The following LDHC variants were observed in gnomAD, a reference collection of about 807,000 sequenced individuals.
LDHC encodes L-lactate dehydrogenase C chain.
In LDHC, 20 loss-of-function variants were observed where a neutral mutation model predicts 30.2. The observed-to-expected ratio is 0.66, with a 90% confidence interval of 0.47 to 0.96. The LOEUF is 0.96. Ranked by LOEUF, LDHC falls within the 40% of genes least tolerant of loss-of-function variation. LDHC has a pLI of 0.00. For missense variants in LDHC, 362 were observed against 394.9 expected, an observed-to-expected ratio of 0.92 and a Z score of 0.71; for synonymous variants, 139 against 132.7, an observed-to-expected ratio of 1.05 and a Z score of -0.32.
intron 6 of LDHC, among the ~76,000 whole-genome samples, chr11:18,439,901 A>G (rs1848433839): frequency 6.6e-6 from 1 of 151,452 alleles, no homozygotes; most frequent in Admixed American, 6.6e-5. Flanking sequence ...CTGAGGCACA[A>G]GAATTGCTTG....
At chr11:18,424,759 G>A (rs1848131033) in intron 3 of LDHC, among the ~76,000 whole-genome samples, 1 of 152,184 alleles carries the variant, frequency 6.6e-6, no homozygotes. Context: ...TGTAATCCTA[G>A]CACTTTGGGA....
At chr11:18,433,749 T>A (rs1848309401) in intron 4 of LDHC, among the ~76,000 whole-genome samples, 1 of 152,206 alleles carries the variant, frequency 6.6e-6, no homozygotes, top group South Asian at 2.1e-4. Flanking sequence ...TTGTCTTAAC[T>A]TTGGGTAACC....
At chr11:18,436,873 A>G (rs1565054195) in intron 5 of LDHC, among the ~76,000 whole-genome samples, 1 of 151,982 alleles carries the variant, frequency 6.6e-6, no homozygotes, top group African/African-American at 2.4e-5. Flanking sequence ...CATACATGTA[A>G]TTATTAATTC....
intron 3 of LDHC, among the ~76,000 whole-genome samples, chr11:18,425,053 TA>T (rs1347430611): frequency 6.6e-6 from 1 of 152,074 alleles, no homozygotes; most frequent in Non-Finnish European, 1.5e-5. Flanking sequence ...TAAACATGCA[TA>T]GGTAGTAAAG....
chr11:18,447,473 G>A (rs1014987553), intron 7 of LDHC, among the ~76,000 whole-genome samples: 1 of 152,126 alleles, frequency 6.6e-6, no homozygotes, highest in Non-Finnish European at 1.5e-5. Flanking sequence ...AGTGAAAGGA[G>A]TAGGATAACG....
rs1264655839 is a variant in LDHC, at chr11:18,438,774, A to G, written c.710+129A>G. On this transcript the variant is annotated intron_variant, in intron 6 of 7. Coordinates refer to ENST00000541669, the MANE Select transcript of LDHC (RefSeq NM_017448.5). Reference sequence around the variant, plus strand: ...TAACTCTAGGCTCCTGAAAACCACTAAATTCAGACTTATACATAGCTTTCT... The same window carrying G: ...TAACTCTAGGCTCCTGAAAACCACTGAATTCAGACTTATACATAGCTTTCT... 7.7e-6 allele frequency: 4 copies of G among 517,614 alleles called. No homozygotes were observed. The East Asian group carries it at 1.2e-4, about 16-fold the overall frequency. 32.1% of individuals were successfully genotyped at this position (517,614 alleles called of 1,614,324 possible).
At chr11:18,434,468 C>T (rs1381838008) in intron 4 of LDHC, among the ~76,000 whole-genome samples, 3 of 152,094 alleles carry the variant, frequency 2.0e-5, no homozygotes, top group Non-Finnish European at 4.4e-5. Flanking sequence ...TGTGCCACCA[C>T]ATCTGGCTAA....
intron 4 of LDHC, among the ~76,000 whole-genome samples, chr11:18,430,580 C>T (rs1041843997): frequency 2.0e-5 from 3 of 152,054 alleles, no homozygotes; most frequent in African/African-American, 4.8e-5. Context: ...CAGTCTGGTC[C>T]GGAACTCCTA....
chr11:18,435,069 T>C (rs1848333617), intron 5 of LDHC, among the ~76,000 whole-genome samples, 156 bp downstream of exon 5: 1 of 152,234 alleles, frequency 6.6e-6, no homozygotes, highest in Non-Finnish European at 1.5e-5. Flanking sequence ...TTAGTTTCAA[T>C]CTTTTGCATC....
chr11:18,415,554 C>T (rs1867001766), intron 3 of LDHC, among the ~76,000 whole-genome samples: 1 of 152,122 alleles, frequency 6.6e-6, no homozygotes, highest in Non-Finnish European at 1.5e-5. Context: ...GCCTCGGTCT[C>T]CTGTGTAGCT....
At chr11:18,443,655 T>G (rs1848504361) in intron 6 of LDHC, among the ~76,000 whole-genome samples, 1 of 152,154 alleles carries the variant, frequency 6.6e-6, no homozygotes, top group Admixed American at 6.6e-5. Flanking sequence ...TGATGGGGTT[T>G]CACCATGTTG....
At position 18,423,152 on chromosome 11, in the gene LDHC, C is replaced by T. The variant is rs180828023; in HGVS notation, c.245-6585C>T. Among the ~76,000 whole-genome samples, 46 of 152,230 alleles carry T rather than the reference C, an allele frequency of 3.0e-4. No homozygotes were observed. The East Asian group carries it at 8.1e-3, about 27-fold the overall frequency. ...CCAGCCTGGCCAACATGGTGAAACCCTGTCTCTGCTAAAAATACAAAAAAT... is the reference window on the plus strand; with the variant it reads ...CCAGCCTGGCCAACATGGTGAAACCTTGTCTCTGCTAAAAATACAAAAAAT... On this transcript the variant is annotated intron_variant, in intron 3 of 7. Transcript: ENST00000541669.
At chr11:18,429,530 A>G (rs1192429746) in intron 3 of LDHC, among the ~76,000 whole-genome samples, 2 of 152,190 alleles carry the variant, frequency 1.3e-5, no homozygotes, top group African/African-American at 4.8e-5. Context: ...TTTTTGAGGT[A>G]GCTATGTGAA....
chr11:18,431,024 G>A (rs1848257213), intron 4 of LDHC, among the ~76,000 whole-genome samples: 1 of 151,624 alleles, frequency 6.6e-6, no homozygotes, highest in Admixed American at 6.6e-5. Context: ...AAAAAGCTGG[G>A]TATGAAGATT....
At chr11:18,436,947 G>T (rs914855967) in intron 5 of LDHC, among the ~76,000 whole-genome samples, 2 of 151,862 alleles carry the variant, frequency 1.3e-5, no homozygotes, top group Non-Finnish European at 2.9e-5. Flanking sequence ...TATTTGAATA[G>T]TTAATACTTG....
chr11:18,412,715 C>CAA lies in LDHC; in HGVS notation c.-1_1dup. ...ATTGCATTATCCCTATCAGGTTCTC[C>CAA]AAATGTCAACTGTCAAGGAGCAGCT... On this transcript the variant is annotated 5_prime_UTR_variant, in exon 2 of 8. Transcript: ENST00000541669. The CAA allele has an allele frequency of 6.2e-7, 1 of 1,613,194 alleles. No homozygotes were observed. Among genetic ancestry groups the CAA allele is most frequent in the Middle Eastern group, 1.7e-4 (1 of 6,052 alleles).
At chr11:18,441,816 G>A (rs1308941541) in intron 6 of LDHC, among the ~76,000 whole-genome samples, 1 of 152,126 alleles carries the variant, frequency 6.6e-6, no homozygotes, top group Admixed American at 6.5e-5. Flanking sequence ...GGAGGCTGAG[G>A]CATCACTTGA....
intron 3 of LDHC, among the ~76,000 whole-genome samples, chr11:18,424,069 G>A (rs1053027401): frequency 2.6e-5 from 4 of 151,768 alleles, no homozygotes; most frequent in African/African-American, 9.7e-5. Context: ...ACAGCATATA[G>A]GAGTGTAGTA....
intron 3 of LDHC, among the ~76,000 whole-genome samples, chr11:18,427,869 G>A (rs1023533497): frequency 3.9e-5 from 6 of 151,906 alleles, no homozygotes; most frequent in South Asian, 4.2e-4. Context: ...TAGAGATGGG[G>A]TTTCACCATG....
Sources: gnomAD v4.1 joint callset for allele counts (sites outside exome capture counted in the v4.1 genomes callset) on GRCh38, gnomAD v4.1.1 for gene constraint, MANE v1.5 for transcripts, NCBI Gene and HGNC (gene_info 2026-07-23, HGNC 2026-07-21) for gene names.